The following CAMK2D variants were observed in gnomAD, a reference collection of about 807,000 sequenced individuals.
CAMK2D encodes calcium/calmodulin-dependent protein kinase type II subunit delta.
In CAMK2D, 37 loss-of-function variants were observed where a neutral mutation model predicts 84.0. The ratio of observed to expected loss-of-function variants is 0.44; its 90% CI spans 0.34 to 0.58. The LOEUF (loss-of-function observed/expected upper bound fraction) is 0.58. CAMK2D is among the 20% of genes least tolerant of loss of function. The pLI, the probability that CAMK2D is intolerant of heterozygous loss-of-function variation, is 0.02. For synonymous variants in CAMK2D, 202 were observed against 212.5 expected (o/e 0.95, Z 0.43); for missense variants, 448 against 652.5 (o/e 0.69, Z 3.41).
intron 3 of CAMK2D, among the ~76,000 whole-genome samples, chr4:113,635,612 A>C (rs1194210562): frequency 6.6e-6 from 1 of 152,208 alleles, no homozygotes; most frequent in Non-Finnish European, 1.5e-5. Flanking sequence ...TGGCCTTCAC[A>C]AATATGTTAG....
chr4:113,580,828 A>T (rs2098804712), intron 4 of CAMK2D, among the ~76,000 whole-genome samples: 1 of 150,882 alleles, frequency 6.6e-6, no homozygotes, highest in African/African-American at 2.4e-5. Flanking sequence ...AGTTGGCTAT[A>T]ATTATTTTTA....
At chr4:113,567,232 A>C (rs1454601221) in intron 4 of CAMK2D, among the ~76,000 whole-genome samples, 1 of 149,644 alleles carries the variant, frequency 6.7e-6, no homozygotes, top group African/African-American at 2.5e-5. Flanking sequence ...CAGTGGTGCA[A>C]TCTTGGCTCA....
At chr4:113,725,651 A>G (rs1329724523) in intron 2 of CAMK2D, among the ~76,000 whole-genome samples, 1 of 152,124 alleles carries the variant, frequency 6.6e-6, no homozygotes, top group Non-Finnish European at 1.5e-5. Flanking sequence ...ATTTAAATGT[A>G]CTATCAACAA....
chr4:113,726,375 T>G, intron 2 of CAMK2D, among the ~76,000 whole-genome samples: 1 of 34,186 alleles, frequency 2.9e-5, no homozygotes, highest in East Asian at 1.7e-3. Context: ...TTGCTTGGGC[T>G]TTTTTTTTTT....
At chr4:113,627,749 T>C (rs1307366001) in intron 3 of CAMK2D, among the ~76,000 whole-genome samples, 1 of 152,162 alleles carries the variant, frequency 6.6e-6, no homozygotes, top group Non-Finnish European at 1.5e-5. Context: ...GGCATTTGCT[T>C]AGTGTTTATA....
At chr4:113,680,452 A>C (rs1304752454) in intron 2 of CAMK2D, among the ~76,000 whole-genome samples, 1 of 152,206 alleles carries the variant, frequency 6.6e-6, no homozygotes, top group Non-Finnish European at 1.5e-5. Context: ...GCTGACCCTG[A>C]CTGCTGGAGG....
chr4:113,464,652 G>A (rs1334469395), intron 17 of CAMK2D, among the ~76,000 whole-genome samples: 2 of 152,084 alleles, frequency 1.3e-5, no homozygotes, highest in African/African-American at 2.4e-5. Context: ...TATGATCCAG[G>A]AGTTTATAAA....
intron 2 of CAMK2D, among the ~76,000 whole-genome samples, chr4:113,743,895 C>G (rs2099598619): frequency 6.6e-6 from 1 of 151,936 alleles, no homozygotes; most frequent in African/African-American, 2.4e-5. Context: ...GGCTGGAGTG[C>G]AGTGGTGCAA....
intron 16 of CAMK2D, among the ~76,000 whole-genome samples, chr4:113,490,717 G>T (rs551164239): frequency 1.3e-5 from 2 of 149,996 alleles, no homozygotes; most frequent in Non-Finnish European, 3.0e-5. Flanking sequence ...CATTGAATCT[G>T]TAAATTACCT....
chr4:113,586,175 T>C (rs963562117), intron 4 of CAMK2D, among the ~76,000 whole-genome samples: 46 of 152,332 alleles, frequency 3.0e-4, no homozygotes, highest in African/African-American at 1.0e-3. Context: ...GTGAGAGTAA[T>C]TGGTTCAAGG....
intron 6 of CAMK2D, among the ~76,000 whole-genome samples, chr4:113,542,945 T>C (rs982786290): frequency 1.3e-5 from 2 of 152,202 alleles, no homozygotes; most frequent in African/African-American, 4.8e-5. Flanking sequence ...GAATAGGGGC[T>C]AATAGTAAAG....
chr4:113,698,542 C>A (rs895637707), intron 2 of CAMK2D, among the ~76,000 whole-genome samples: 1 of 152,072 alleles, frequency 6.6e-6, no homozygotes, highest in Non-Finnish European at 1.5e-5. Flanking sequence ...TATTATCTTA[C>A]ACACTTTTAT....
chr4:113,595,891 A>C (rs1292649797), intron 4 of CAMK2D, among the ~76,000 whole-genome samples: 1 of 152,158 alleles, frequency 6.6e-6, no homozygotes, highest in Non-Finnish European at 1.5e-5. Flanking sequence ...TGGCTGTCGT[A>C]GGTTCTTAAA....
intron 2 of CAMK2D, among the ~76,000 whole-genome samples, chr4:113,706,805 G>A (rs1230834223): frequency 1.3e-5 from 2 of 152,238 alleles, no homozygotes; most frequent in Non-Finnish European, 2.9e-5. Flanking sequence ...CGTAATTAAT[G>A]AAATGATTCA....
intron 15 of CAMK2D, among the ~76,000 whole-genome samples, chr4:113,501,352 T>C (rs2098042193): frequency 6.6e-6 from 1 of 151,354 alleles, no homozygotes; most frequent in Non-Finnish European, 1.5e-5. Flanking sequence ...GTAAAATATT[T>C]TCTAGCAAAT....
intron 2 of CAMK2D, among the ~76,000 whole-genome samples, chr4:113,672,352 C>A (rs1200511219): frequency 6.6e-6 from 1 of 152,196 alleles, no homozygotes; most frequent in East Asian, 1.9e-4. Flanking sequence ...TATATTTATT[C>A]CTCTCTATCC....
intron 3 of CAMK2D, among the ~76,000 whole-genome samples, chr4:113,659,952 A>AT (rs918619998): frequency 1.3e-5 from 2 of 152,070 alleles, no homozygotes; most frequent in Non-Finnish European, 2.9e-5. Flanking sequence ...CAGTGTTACA[A>AT]TTTTTTTTAC....
At chr4:113,629,202 G>A (rs17046301) in intron 3 of CAMK2D, among the ~76,000 whole-genome samples, 3,390 of 152,026 alleles carry the variant, frequency 0.022, 137 homozygotes, top group African/African-American at 0.075. Context: ...ACAGAGCCTC[G>A]GAAAACCTTT....
chr4:113,662,967 T>C (rs1377910157), intron 2 of CAMK2D, among the ~76,000 whole-genome samples: 1 of 152,168 alleles, frequency 6.6e-6, no homozygotes, highest in Non-Finnish European at 1.5e-5. Flanking sequence ...ACACGTATAG[T>C]GCTATTAATA....
Sources: allele counts gnomAD v4.1 joint callset (sites outside exome capture counted in the v4.1 genomes callset), GRCh38; gene constraint gnomAD v4.1.1; transcripts MANE v1.5; gene names NCBI Gene and HGNC (gene_info 2026-07-23, HGNC 2026-07-21).